The following PROCR variants were observed in gnomAD, a reference collection of about 807,000 sequenced individuals.
PROCR encodes the protein endothelial protein C receptor.
Under a neutral mutation model 24.2 loss-of-function variants are expected in PROCR, and 22 were observed. The ratio of observed to expected loss-of-function variants is 0.91; its 90% CI spans 0.65 to 1.30. The LOEUF is 1.30. Ranked by LOEUF, PROCR falls within the 50% of genes most tolerant of loss-of-function variation. PROCR has a pLI of 0.00. For synonymous variants in PROCR, 137 were observed against 139.2 expected (o/e 0.98, Z 0.11); for missense variants, 288 against 307.7 (o/e 0.94, Z 0.48).
At chr20:35,198,426 A>T (rs1358688466) in intron 1 of PROCR, among the ~76,000 whole-genome samples, 1 of 152,194 alleles carries the variant, frequency 6.6e-6, no homozygotes, top group Non-Finnish European at 1.5e-5. Flanking sequence ...TTAAGCCAAA[A>T]CTTAATCTAG....
At chr20:35,187,703 G>A (rs1024378262) in intron 1 of PROCR, among the ~76,000 whole-genome samples, 3 of 152,178 alleles carry the variant, frequency 2.0e-5, no homozygotes, top group African/African-American at 7.2e-5. Context: ...GTGAATGGAA[G>A]GTTCATCTGC....
At position 35,213,315 on chromosome 20, in the gene PROCR, G is replaced by T. The variant is rs1386662474; in HGVS notation, c.95-2578G>T. 3.3e-5 allele frequency among the ~76,000 whole-genome samples: 5 copies of T among 151,788 alleles called. No homozygotes were observed. The South Asian group carries it at 1.0e-3, about 32-fold the overall frequency. On this transcript the variant is annotated intron_variant, in intron 1 of 1. Transcript: ENST00000634509. The stretch of plus-strand genomic sequence containing the variant: ...GCCACTGCACTCCATCCTGGGTAAC[G>T]GAGCGAGACTGTCTCAAAAAAAAAA...
intron 1 of PROCR, among the ~76,000 whole-genome samples, chr20:35,210,859 C>T (rs1458309837): frequency 6.6e-6 from 1 of 151,938 alleles, no homozygotes; most frequent in East Asian, 1.9e-4. Context: ...ATTACTGGCA[C>T]GTGCCACTGT....
intron 1 of PROCR, among the ~76,000 whole-genome samples, chr20:35,188,128 A>C (rs1443319802): frequency 6.6e-6 from 1 of 152,210 alleles, no homozygotes; most frequent in Non-Finnish European, 1.5e-5. Context: ...TATCTCTGCC[A>C]GGTGGCCTGA....
At chr20:35,211,974 G>A (rs1568602556) in intron 1 of PROCR, among the ~76,000 whole-genome samples, 2 of 151,930 alleles carry the variant, frequency 1.3e-5, no homozygotes, top group African/African-American at 4.8e-5. Flanking sequence ...CCAAGATCAT[G>A]CCACTGCACT....
intron 1 of PROCR, among the ~76,000 whole-genome samples, chr20:35,208,842 C>G (rs532039550): frequency 1.0e-3 from 156 of 152,088 alleles, no homozygotes; most frequent in African/African-American, 3.7e-3. Flanking sequence ...CATGGTGGCA[C>G]GCACCTGTAA....
downstream of PROCR, among the ~76,000 whole-genome samples, chr20:35,178,825 T>C (rs1338728854): frequency 6.7e-6 from 1 of 149,010 alleles, no homozygotes; most frequent in East Asian, 2.0e-4. Context: ...TAAGTCTCAG[T>C]TTTTTTTGTT....
At chr20:35,172,003 TC>T, upstream of PROCR, 1 of 730,206 alleles carries the variant, frequency 1.4e-6, no homozygotes, top group Admixed American at 2.0e-5. Flanking sequence ...ATAAGCCTCT[TC>T]CTCCTCCCAT....
intron 1 of PROCR, among the ~76,000 whole-genome samples, chr20:35,195,060 C>A (rs1055097169): frequency 6.6e-6 from 1 of 152,126 alleles, no homozygotes; most frequent in South Asian, 2.1e-4. Flanking sequence ...GCTATTATAA[C>A]CATCCCCCAT....
intron 2 of PROCR, among the ~76,000 whole-genome samples, chr20:35,175,953 C>T (rs893981574): frequency 6.6e-6 from 1 of 151,582 alleles, no homozygotes; most frequent in South Asian, 2.1e-4. Flanking sequence ...TTTTTCATCA[C>T]AGTCCCTGGC....
intron 1 of PROCR, among the ~76,000 whole-genome samples, chr20:35,199,664 C>T (rs2060311696): frequency 6.6e-6 from 1 of 151,224 alleles, no homozygotes; most frequent in South Asian, 2.1e-4. Flanking sequence ...AGGAGAATCG[C>T]TTGAACCTGC....
intron 1 of PROCR, among the ~76,000 whole-genome samples, chr20:35,204,298 T>C (rs2060329471): frequency 6.6e-6 from 1 of 152,132 alleles, no homozygotes; most frequent in Non-Finnish European, 1.5e-5. Context: ...AACCTTCCAA[T>C]GTAGAGAAGA....
intron 1 of PROCR, among the ~76,000 whole-genome samples, chr20:35,194,538 T>C (rs886310968): frequency 3.3e-5 from 5 of 152,082 alleles, no homozygotes; most frequent in African/African-American, 1.2e-4. Context: ...TTAGCTAAGA[T>C]CATGGACAGT....
At chr20:35,205,782 T>TGTAC (rs1355188807) in intron 1 of PROCR, among the ~76,000 whole-genome samples, 2 of 90,080 alleles carry the variant, frequency 2.2e-5, no homozygotes, top group African/African-American at 7.6e-5. Flanking sequence ...TATATATATA[T>TGTAC]ATATATGTAT....
At chr20:35,191,328 A>T (rs1430738154) in intron 1 of PROCR, among the ~76,000 whole-genome samples, 1 of 152,236 alleles carries the variant, frequency 6.6e-6, no homozygotes, top group African/African-American at 2.4e-5. Flanking sequence ...CTAAATAAGA[A>T]AAAGAAAATT....
intron 1 of PROCR, among the ~76,000 whole-genome samples, chr20:35,210,759 C>G (rs1439163840): frequency 2.0e-5 from 3 of 150,234 alleles, no homozygotes; most frequent in African/African-American, 7.4e-5. Context: ...CTTGCCCAGG[C>G]TAGAGAGCAA....
chr20:35,203,027 C>T (rs1413541728), intron 1 of PROCR: 2 of 152,122 alleles, frequency 1.3e-5, no homozygotes, highest in East Asian at 3.8e-4. Flanking sequence ...CTTGTAATCC[C>T]AGCACTTTAG....
chr20:35,199,170 A>C (rs564389727), intron 1 of PROCR, among the ~76,000 whole-genome samples: 1 of 152,238 alleles, frequency 6.6e-6, no homozygotes, highest in African/African-American at 2.4e-5. Flanking sequence ...GCCATTAAGA[A>C]TGATGTGAAT....
intron 1 of PROCR, among the ~76,000 whole-genome samples, chr20:35,205,755 ATATATATATATATAT>A (rs2060336809): frequency 1.1e-4 from 2 of 18,716 alleles, no homozygotes; most frequent in Non-Finnish European, 3.1e-4. Context: ...CTGTCTAAAT[ATATATATATATATAT>A]ATATATATAT....
Sources: gnomAD v4.1 joint callset for allele counts (sites outside exome capture counted in the v4.1 genomes callset) on GRCh38, gnomAD v4.1.1 for gene constraint, MANE v1.5 for transcripts, NCBI Gene and HGNC (gene_info 2026-07-23, HGNC 2026-07-21) for gene names.